The following TLE1 variants were observed in gnomAD, a reference collection of about 807,000 sequenced individuals.
TLE1 encodes the protein TLE family member 1, transcriptional corepressor.
In TLE1, 21 loss-of-function variants were observed where a neutral mutation model predicts 89.8. The ratio of observed to expected loss-of-function variants is 0.23; its 90% CI spans 0.17 to 0.34. The LOEUF (loss-of-function observed/expected upper bound fraction) is 0.34, where lower values mean the gene tolerates loss of function less well. Among genes scored for constraint, TLE1 ranks in the 10% least tolerant of loss-of-function variants. The pLI, the probability that TLE1 is intolerant of heterozygous loss-of-function variation, is 1.00. For missense variants in TLE1, 795 were observed against 1,031.2 expected (o/e 0.77, Z 3.14); for synonymous variants, 447 against 407.6 (o/e 1.10, Z -1.16).
chr9:81,590,682 G>A, intron 16 of TLE1, 123 bp downstream of exon 16: 1 of 1,491,892 alleles, frequency 6.7e-7, no homozygotes, highest in Non-Finnish European at 9.0e-7. Flanking sequence ...TCATCACCTA[G>A]CCCCATGCCT....
intron 6 of TLE1, among the ~76,000 whole-genome samples, chr9:81,637,648 T>C (rs755550817): frequency 6.6e-6 from 1 of 150,888 alleles, no homozygotes; most frequent in African/African-American, 2.4e-5. Context: ...AAGTTTCTTT[T>C]TTTTTTTTTT....
rs574548371 is a variant in TLE1, at chr9:81,636,094, G to A, written c.373-1793C>T. Among the ~76,000 whole-genome samples the A allele has an allele frequency of 2.6e-5, 4 of 152,218 alleles. No homozygotes were observed. The South Asian group carries it at 8.3e-4, about 32-fold the overall frequency. On this transcript the variant is annotated intron_variant, in intron 6 of 19. Transcript: ENST00000376499. ...GCATGGTTCTAATTAGAAGCAAAATGGAAAAGGGGATGAGGTCAGAACAGG... is the reference window on the plus strand; with the variant it reads ...GCATGGTTCTAATTAGAAGCAAAATAGAAAAGGGGATGAGGTCAGAACAGG...
rs1483802857 is a variant in TLE1 at position 81,688,531 on chromosome 9, G to A, written c.-291C>T. 1 of 340,926 alleles carries A rather than the reference G, an allele frequency of 2.9e-6. No homozygotes were observed. Among genetic ancestry groups the A allele is most frequent in the Non-Finnish European group, 5.2e-6 (1 of 191,002 alleles). 21.1% of individuals were successfully genotyped at this position (340,926 alleles called of 1,614,324 possible). On this transcript the variant is annotated 5_prime_UTR_variant, in exon 1 of 20. Transcript: ENST00000376499. ...CGTCGGGCGCTCGGGGACTGTGCGC[G>A]GGGGCAGCGCTCCAACCCCCGGCCT...
chr9:81,591,314 G>A (rs1488742916), intron 15 of TLE1, among the ~76,000 whole-genome samples: 1 of 152,154 alleles, frequency 6.6e-6, no homozygotes, highest in Non-Finnish European at 1.5e-5. Context: ...ATGAGGTACA[G>A]GTGTACACAT....
chr9:81,650,297 A>G (rs996519087), intron 6 of TLE1, among the ~76,000 whole-genome samples: 3 of 152,236 alleles, frequency 2.0e-5, no homozygotes, highest in African/African-American at 7.2e-5. Context: ...GGAGATTCAC[A>G]AGAGCTGGGC....
At chr9:81,668,369 G>C (rs1003106600) in intron 4 of TLE1, among the ~76,000 whole-genome samples, 6 of 152,038 alleles carry the variant, frequency 3.9e-5, no homozygotes, top group Admixed American at 3.9e-4. Flanking sequence ...CATAACCTTT[G>C]GAAAAGATTA....
At chr9:81,601,330 C>T (rs1274543167) in intron 14 of TLE1, among the ~76,000 whole-genome samples, 1 of 152,174 alleles carries the variant, frequency 6.6e-6, no homozygotes, top group Non-Finnish European at 1.5e-5. Context: ...AATTTTACCC[C>T]AAACGTAGTT....
Position 81,689,167 on chromosome 9 carries a change from AC to A in TLE1, c.-928del, listed in dbSNP as rs1261894683. 6.6e-6 allele frequency: 1 copy of A among 151,794 alleles called. No individual in the cohort carries two copies. Among genetic ancestry groups the A allele is most frequent in the Admixed American group, 6.6e-5 (1 of 15,256 alleles). 9.4% of individuals were successfully genotyped at this position (151,794 alleles called of 1,614,324 possible). The stretch of plus-strand genomic sequence containing the variant: ...TCGGTCTTCTTTCTTTCCTTCCTTC[AC>A]CTTCGTGTGCTTCTCCGCAAAGGGC... On this transcript the variant is annotated 5_prime_UTR_variant, in exon 1 of 20. Coordinates refer to ENST00000376499, the MANE Select transcript of TLE1 (RefSeq NM_005077.5).
In TLE1 at chr9:81,614,922, C is replaced by T. The variant is rs149354775; in HGVS notation, c.918+1060G>A. On this transcript the variant is annotated intron_variant, in intron 11 of 19. Transcript: ENST00000376499. The stretch of plus-strand genomic sequence containing the variant: ...AATCTCGGAAGTTTGAGGCCAGGTG[C>T]GGTGGCTCACACCTGTAATCCCAGC... Among the ~76,000 whole-genome samples the T allele has an allele frequency of 1.5e-4, 22 of 151,190 alleles. No individual in the cohort carries two copies. In the East Asian group the frequency reaches 3.9e-3, roughly 27 times the overall value.
chr9:81,675,698 G>GTTT (rs35060460), intron 4 of TLE1, among the ~76,000 whole-genome samples: 17,168 of 127,030 alleles, frequency 0.14, 2,729 homozygotes, highest in African/African-American at 0.16. Context: ...ACTCACACTA[G>GTTT]TTTTTTTTTG....
chr9:81,603,668 T>C (rs1831251975), intron 14 of TLE1, among the ~76,000 whole-genome samples: 1 of 152,204 alleles, frequency 6.6e-6, no homozygotes, highest in Admixed American at 6.5e-5. Flanking sequence ...AAAACTCTTT[T>C]TCTTGTCATG....
chr9:81,590,073 G>A (rs1359438262), intron 16 of TLE1, among the ~76,000 whole-genome samples: 1 of 152,200 alleles, frequency 6.6e-6, no homozygotes, highest in Non-Finnish European at 1.5e-5. Context: ...CGGCTTCCCA[G>A]CAAAGATGAA....
chr9:81,592,086 C>T lies in TLE1; in HGVS notation c.1581+939G>A, dbSNP rs369474073. On this transcript the variant is annotated intron_variant, in intron 15 of 19. Coordinates refer to ENST00000376499, the MANE Select transcript of TLE1 (RefSeq NM_005077.5). ...TTAGAAATCGGAACATGGCCGGGCG[C>T]GGTGGCTCACGCCTATAATCCCAGC... 3.9e-5 allele frequency among the ~76,000 whole-genome samples: 6 copies of T among 152,270 alleles called. No homozygotes were observed. The East Asian group carries it at 5.8e-4, about 15-fold the overall frequency.
intron 4 of TLE1, among the ~76,000 whole-genome samples, chr9:81,667,871 A>G (rs1026835407): frequency 6.6e-6 from 1 of 152,220 alleles, no homozygotes; most frequent in East Asian, 1.9e-4. Context: ...AGTAGCCAGA[A>G]GGATACTCAG....
At chr9:81,621,966 A>C (rs1293830670) in intron 8 of TLE1, among the ~76,000 whole-genome samples, 1 of 152,184 alleles carries the variant, frequency 6.6e-6, no homozygotes, top group Non-Finnish European at 1.5e-5. Context: ...CAATATAGAG[A>C]AGCTCTAAGT....
At chr9:81,628,608 G>A (rs999552273) in intron 8 of TLE1, among the ~76,000 whole-genome samples, 1 of 152,116 alleles carries the variant, frequency 6.6e-6, no homozygotes, top group Non-Finnish European at 1.5e-5. Context: ...AGCTAGAGAA[G>A]AGTAACAAAA....
intron 14 of TLE1, among the ~76,000 whole-genome samples, chr9:81,607,829 T>C (rs1193593188): frequency 1.3e-5 from 2 of 152,184 alleles, no homozygotes; most frequent in Admixed American, 6.5e-5. Flanking sequence ...AAGTGAACAT[T>C]AAGCAATACT....
chr9:81,647,103 G>A (rs1828948668), intron 6 of TLE1, among the ~76,000 whole-genome samples: 2 of 151,962 alleles, frequency 1.3e-5, no homozygotes, highest in Non-Finnish European at 2.9e-5. Flanking sequence ...GAAGTTCACA[G>A]GCATTACTAT....
intron 8 of TLE1, among the ~76,000 whole-genome samples, chr9:81,621,251 A>G (rs1252621112): frequency 6.6e-6 from 1 of 152,222 alleles, no homozygotes; most frequent in Non-Finnish European, 1.5e-5. Flanking sequence ...TTTCATTCGC[A>G]TATGCCGAGT....
Sources: allele counts gnomAD v4.1 joint callset (sites outside exome capture counted in the v4.1 genomes callset), GRCh38; gene constraint gnomAD v4.1.1; transcripts MANE v1.5; gene names NCBI Gene and HGNC (gene_info 2026-07-23, HGNC 2026-07-21).